CMSS1: variants seen among roughly 807,000 people sequenced by gnomAD.
CMSS1 encodes the protein protein CMSS1.
CMSS1 carries 33 observed loss-of-function variants against 43.5 expected under a neutral mutation model. The ratio of observed to expected loss-of-function variants is 0.76; its 90% confidence interval spans 0.57 to 1.01. The LOEUF (loss-of-function observed/expected upper bound fraction) is 1.01, where lower values mean the gene tolerates loss of function less well. CMSS1 is among the 50% of genes least tolerant of loss of function. The pLI, the probability that CMSS1 is intolerant of heterozygous loss-of-function variation, is 0.00. For missense variants in CMSS1, 313 were observed against 326.4 expected, an observed-to-expected ratio of 0.96 and a Z score of 0.32; for synonymous variants, 115 against 117.2, an observed-to-expected ratio of 0.98 and a Z score of 0.12.
chr3:100,001,372 C>T (rs761060773), intron 1 of CMSS1, among the ~76,000 whole-genome samples: 2 of 152,138 alleles, frequency 1.3e-5, no homozygotes, highest in Non-Finnish European at 2.9e-5. Flanking sequence ...TCACATAGCC[C>T]ACAAAATCTG....
intron 1 of CMSS1, among the ~76,000 whole-genome samples, chr3:99,875,455 A>C (rs1261565166): frequency 2.6e-5 from 4 of 152,236 alleles, no homozygotes; most frequent in Non-Finnish European, 4.4e-5. Flanking sequence ...CTTGAAGCAG[A>C]AAGTTAGAAC....
intron 1 of CMSS1, among the ~76,000 whole-genome samples, chr3:100,028,904 GAC>G (rs202126886): frequency 7.9e-5 from 12 of 152,090 alleles, no homozygotes; most frequent in East Asian, 3.9e-4. Context: ...CACACACAAA[GAC>G]ACACACACAC....
At chr3:100,057,077 A>G (rs1309442860) in intron 1 of CMSS1, among the ~76,000 whole-genome samples, 1 of 152,136 alleles carries the variant, frequency 6.6e-6, no homozygotes, top group Non-Finnish European at 1.5e-5. Flanking sequence ...AATGATTGGC[A>G]GGCTCAGGGC....
rs1170997665 is a variant in CMSS1, at chr3:100,179,453, T to A, written c.*1065T>A. ...GGAGGTACAGGCATTGGGTAAATGC[T>A]CCCATTCCAAGTGGGAGAAACTGGC... On this transcript the variant is annotated 3_prime_UTR_variant, in exon 10 of 10. Coordinates refer to ENST00000421999, the MANE Select transcript of CMSS1 (RefSeq NM_032359.4). 2 of 152,174 alleles carry A rather than the reference T, an allele frequency of 1.3e-5. No homozygotes were observed. Among genetic ancestry groups the A allele is most frequent in the Non-Finnish European group, 2.9e-5 (2 of 68,032 alleles). 9.4% of individuals were successfully genotyped at this position (152,174 alleles called of 1,614,324 possible).
At chr3:100,019,343 C>G (rs1021975363) in intron 1 of CMSS1, among the ~76,000 whole-genome samples, 1 of 152,056 alleles carries the variant, frequency 6.6e-6, no homozygotes, top group Non-Finnish European at 1.5e-5. Flanking sequence ...CTGGGTGAAA[C>G]AGCCAAGGGG....
At chr3:99,885,784 A>G (rs762647830) in intron 1 of CMSS1, among the ~76,000 whole-genome samples, 1 of 151,862 alleles carries the variant, frequency 6.6e-6, no homozygotes, top group Non-Finnish European at 1.5e-5. Flanking sequence ...AAACACACAC[A>G]TGTACACACA....
chr3:99,849,971 T>C, intron 1 of CMSS1: 1 of 1,612,628 alleles, frequency 6.2e-7, no homozygotes, highest in South Asian at 1.1e-5. Context: ...TTCAATTTGT[T>C]TTTTAAATCA....
chr3:100,016,317 C>T (rs1356515875), intron 1 of CMSS1, among the ~76,000 whole-genome samples: 4 of 152,088 alleles, frequency 2.6e-5, no homozygotes, highest in African/African-American at 4.8e-5. Flanking sequence ...CTCAGCCTCC[C>T]GAGTAGGTGG....
intron 1 of CMSS1, among the ~76,000 whole-genome samples, chr3:99,894,477 G>C (rs1449997795): frequency 6.6e-6 from 1 of 152,084 alleles, no homozygotes; most frequent in Non-Finnish European, 1.5e-5. Context: ...TTGGTTTTTT[G>C]ATACTTCTAA....
At chr3:100,082,162 T>C (rs1168071529) in intron 1 of CMSS1, among the ~76,000 whole-genome samples, 1 of 152,176 alleles carries the variant, frequency 6.6e-6, no homozygotes, top group Admixed American at 6.5e-5. Flanking sequence ...TATTTTCCCA[T>C]TATGTTGTTT....
chr3:100,132,229 C>T (rs1177046681), intron 1 of CMSS1, among the ~76,000 whole-genome samples: 1 of 151,918 alleles, frequency 6.6e-6, no homozygotes, highest in Non-Finnish European at 1.5e-5. Context: ...AAGAAAGACC[C>T]CCATCTCTAA....
intron 1 of CMSS1, among the ~76,000 whole-genome samples, chr3:100,033,339 G>A (rs2065051224): frequency 6.6e-6 from 1 of 152,116 alleles, no homozygotes; most frequent in African/African-American, 2.4e-5. Context: ...TCTATCGAGT[G>A]GCAGCCAATG....
intron 1 of CMSS1, among the ~76,000 whole-genome samples, chr3:99,946,409 C>G (rs938512516): frequency 1.3e-5 from 2 of 152,126 alleles, no homozygotes; most frequent in Non-Finnish European, 2.9e-5. Flanking sequence ...AAGCAGTATC[C>G]AAAGGTCTTT....
At chr3:99,990,514 A>G (rs1488822793) in intron 1 of CMSS1, among the ~76,000 whole-genome samples, 1 of 152,236 alleles carries the variant, frequency 6.6e-6, no homozygotes, top group Non-Finnish European at 1.5e-5. Context: ...ATGTGTATTA[A>G]ATGAATATCT....
intron 1 of CMSS1, among the ~76,000 whole-genome samples, chr3:99,844,453 G>T (rs1051746863): frequency 6.6e-6 from 1 of 152,080 alleles, no homozygotes; most frequent in African/African-American, 2.4e-5. Context: ...AGAAACCAGG[G>T]TATAGGAAAA....
chr3:100,070,777 A>G (rs755124067), intron 1 of CMSS1, among the ~76,000 whole-genome samples: 5 of 152,152 alleles, frequency 3.3e-5, no homozygotes, highest in Non-Finnish European at 5.9e-5. Flanking sequence ...GATTAAAGGC[A>G]TGTGCCACCA....
At chr3:99,932,700 G>A (rs1707523563) in intron 1 of CMSS1, among the ~76,000 whole-genome samples, 1 of 152,104 alleles carries the variant, frequency 6.6e-6, no homozygotes. Flanking sequence ...GACCAGCCTG[G>A]CCAACATGGC....
At chr3:99,912,186 C>G (rs980931127) in intron 1 of CMSS1, among the ~76,000 whole-genome samples, 23 of 152,162 alleles carry the variant, frequency 1.5e-4, no homozygotes, top group African/African-American at 5.5e-4. Context: ...TATACTGATA[C>G]ATGTTACAAC....
chr3:99,941,517 G>A (rs1416805436), intron 1 of CMSS1, among the ~76,000 whole-genome samples: 2 of 152,300 alleles, frequency 1.3e-5, no homozygotes, highest in African/African-American at 4.8e-5. Flanking sequence ...ATATCAAATT[G>A]TGCCTATGCT....
Sources: gnomAD v4.1 joint callset for allele counts (sites outside exome capture counted in the v4.1 genomes callset) on GRCh38, gnomAD v4.1.1 for gene constraint, MANE v1.5 for transcripts, NCBI Gene and HGNC (gene_info 2026-07-23, HGNC 2026-07-21) for gene names.